The following PARG variants were observed in gnomAD, a reference collection of about 807,000 sequenced individuals.
PARG encodes the protein mitochondrial poly(ADP-ribose) glycohydrolase.
A neutral mutation model predicts 113.0 loss-of-function variants in PARG; 35 were observed. The ratio of observed to expected loss-of-function variants is 0.31; its 90% CI spans 0.24 to 0.41. PARG has a LOEUF of 0.41. Among genes scored for constraint, PARG ranks in the 10% least tolerant of loss-of-function variants. The probability of loss-of-function intolerance (pLI) is 1.00; values close to 1 mark genes in which losing one functional copy is unlikely to be tolerated. For synonymous variants in PARG, 330 were observed against 409.9 expected (o/e 0.81, Z 2.36); for missense variants, 797 against 1,169.4 (o/e 0.68, Z 4.64).
At chr10:49,889,788 T>C (rs1213528260) in intron 7 of PARG, among the ~76,000 whole-genome samples, 4 of 152,234 alleles carry the variant, frequency 2.6e-5, no homozygotes, top group Non-Finnish European at 5.9e-5. Flanking sequence ...CTTTACAATG[T>C]TGCTTATTTA....
rs188177262 is a variant in PARG at position 49,848,702 on chromosome 10, C to T, written c.2354-5070G>A. ...CACATAACATTGGTAGAGCACTTAA[C>T]ATATTGAATTGTAATCTGAAAATCA... On this transcript the variant is annotated intron_variant, in intron 13 of 17. Coordinates refer to ENST00000616448, the MANE Select transcript of PARG (RefSeq NM_003631.5). 1.9e-3 allele frequency among the ~76,000 whole-genome samples: 285 copies of T among 152,052 alleles called. 3 individuals are homozygous for T. The highest frequency in any genetic ancestry group is 6.3e-3 in the African/African-American group (261 of 41,446).
chr10:49,839,004 T>C (rs1845091233), intron 15 of PARG, among the ~76,000 whole-genome samples: 8 of 152,194 alleles, frequency 5.3e-5, no homozygotes, highest in Admixed American at 5.2e-4. Flanking sequence ...ATGTAACTTC[T>C]AAAATATTTA....
rs12247762 is a variant in PARG at position 49,836,258 on chromosome 10, T to C, written c.2542-3350A>G. 5.5e-3 allele frequency among the ~76,000 whole-genome samples: 838 copies of C among 151,658 alleles called. 3 individuals are homozygous for C. The highest frequency in any genetic ancestry group is 0.015 in the African/African-American group (620 of 41,376). The stretch of plus-strand genomic sequence containing the variant: ...CTTCTTTAACTTAATACACAGTGGA[T>C]ATTGATACTGATTTTCTGAGGTTTT... On this transcript the variant is annotated intron_variant, in intron 15 of 17. Transcript: ENST00000616448.
At chr10:49,920,341 CA>C (rs1314154993) in intron 6 of PARG, among the ~76,000 whole-genome samples, 1 of 149,892 alleles carries the variant, frequency 6.7e-6, no homozygotes, top group Non-Finnish European at 1.5e-5. Flanking sequence ...CCCTGCTACT[CA>C]GGAGGCTGAG....
chr10:49,936,617 T>C (rs1184024346), intron 1 of PARG, among the ~76,000 whole-genome samples: 6 of 152,184 alleles, frequency 3.9e-5, no homozygotes, highest in African/African-American at 1.4e-4. Context: ...TACATCATAT[T>C]TTAGTATCAG....
rs547038707 is a variant in PARG at position 49,887,507 on chromosome 10, G to T, written c.1738-2212C>A. Reference sequence around the variant, plus strand: ...CTAACACCCACTAATTTGTTTTTCAGCTGAAAAATTTTGCCATGTTACCTA... The same window carrying T: ...CTAACACCCACTAATTTGTTTTTCATCTGAAAAATTTTGCCATGTTACCTA... On this transcript the variant is annotated intron_variant, in intron 7 of 17. Coordinates refer to ENST00000616448, the MANE Select transcript of PARG (RefSeq NM_003631.5). Among the ~76,000 whole-genome samples, 32 of 152,122 alleles carry T rather than the reference G, an allele frequency of 2.1e-4. No homozygotes were observed. In the South Asian group the frequency reaches 6.6e-3, roughly 32 times the overall value.
chr10:49,941,785 C>A lies in PARG; in HGVS notation c.-60G>T, dbSNP rs1294048764. ...CCGGGCGGAGAGCCTCATTCACTAA[C>A]CCTGAGAGAGATGGACTGCGCCTCC... is the stretch of plus-strand genomic sequence containing the variant. On this transcript the variant is annotated 5_prime_UTR_variant, in exon 1 of 18. Coordinates refer to ENST00000616448, the MANE Select transcript of PARG (RefSeq NM_003631.5). 17 of 1,538,516 alleles carry A rather than the reference C, an allele frequency of 1.1e-5. No homozygotes were observed. In the Admixed American group the frequency reaches 1.6e-4, roughly 14 times the overall value.
chr10:49,867,413 C>A (rs1846571745), intron 10 of PARG: 1 of 149,594 alleles, frequency 6.7e-6, no homozygotes, highest in African/African-American at 2.5e-5. Context: ...AGTGTTTTTT[C>A]CTTCTTAGAG....
chr10:49,852,141 C>G (rs1845788205), intron 13 of PARG, among the ~76,000 whole-genome samples: 1 of 152,292 alleles, frequency 6.6e-6, no homozygotes, highest in East Asian at 1.9e-4. Context: ...CTAAGAGTCT[C>G]CTAAGGAGGG....
intron 10 of PARG, among the ~76,000 whole-genome samples, chr10:49,868,138 C>G (rs1385990367): frequency 2.0e-5 from 3 of 152,130 alleles, no homozygotes; most frequent in African/African-American, 7.2e-5. Context: ...CACTCTCCCG[C>G]CACCGCGCCT....
chr10:49,884,841 T>C (rs1847387251), intron 8 of PARG, among the ~76,000 whole-genome samples: 1 of 144,220 alleles, frequency 6.9e-6, no homozygotes, highest in Non-Finnish European at 1.5e-5. Context: ...CCAAATCCAC[T>C]AGTATGTTTT....
At position 49,848,202 on chromosome 10, in the gene PARG, A is replaced by T. The variant is rs1845599412; in HGVS notation, c.2354-4570T>A. Among the ~76,000 whole-genome samples the T allele has an allele frequency of 1.4e-5, 2 of 139,032 alleles. 1 individual carries two copies. The highest frequency in any genetic ancestry group is 3.1e-5 in the Non-Finnish European group (2 of 64,532). The allele number at this position is 139,032 out of a possible 152,430, so 91.2% of individuals were successfully genotyped here. On this transcript the variant is annotated intron_variant, in intron 13 of 17. Coordinates refer to ENST00000616448, the MANE Select transcript of PARG (RefSeq NM_003631.5). ...CATCTCTACTAAAAATACAAAAATT[A>T]TCTGGGCGTGGTGGCGTGCACCTGT...
rs143753241 is a variant in PARG, at chr10:49,850,496, T to G, written c.2353+6810A>C. Among the ~76,000 whole-genome samples the G allele has an allele frequency of 4.1e-3, 622 of 152,340 alleles. 8 individuals are homozygous for G. The highest frequency in any genetic ancestry group is 0.014 in the African/African-American group (597 of 41,576). On this transcript the variant is annotated intron_variant, in intron 13 of 17. Transcript: ENST00000616448. Reference sequence around the variant, plus strand: ...TTTAAGGGGGTAGAGAAACCACAGATGCGTGATTCTATTTACTCGAGGGTG... The same window carrying G: ...TTTAAGGGGGTAGAGAAACCACAGAGGCGTGATTCTATTTACTCGAGGGTG...
Position 49,842,017 on chromosome 10 carries a change from T to C in PARG, c.2474A>G (p.Asp825Gly). 6.4e-7 allele frequency: 1 copy of C among 1,550,522 alleles called. No individual in the cohort carries two copies. The highest frequency in any genetic ancestry group is 2.4e-5 in the East Asian group (1 of 40,916). The change falls in exon 15 of 18, where the codon GAT (aspartate) becomes GGT (glycine). Residue 825 changes from aspartate (D) to glycine (G), a missense_variant. By Grantham distance (94) the Asp-to-Gly change is moderately conservative. This residue lies in a region of PARG where 194 missense variants were observed against 247.1 expected (regional missense o/e 0.79). Transcript: ENST00000616448. Reference sequence around the variant, plus strand: ...GAGGTAGCGTCTGAAGTGAAGAGCATCGATGGCAACGATCTCAGTGCAGCG... The same window carrying C: ...GAGGTAGCGTCTGAAGTGAAGAGCACCGATGGCAACGATCTCAGTGCAGCG... The part of the protein sequence containing the change: ...QRRCTEIVAI[D>G]ALHFRRYLDQ...
intron 10 of PARG, among the ~76,000 whole-genome samples, chr10:49,867,965 A>T (rs2132572449): frequency 6.6e-6 from 1 of 152,304 alleles, no homozygotes; most frequent in East Asian, 1.9e-4. Context: ...TTCTAATTAG[A>T]CCTAGAATAG....
At chr10:49,908,854 T>C (rs1837004912) in intron 7 of PARG, among the ~76,000 whole-genome samples, 1 of 152,124 alleles carries the variant, frequency 6.6e-6, no homozygotes, top group Non-Finnish European at 1.5e-5. Context: ...AATAACGAAA[T>C]CTGTTGTGAT....
rs1396120083 is a variant in PARG at position 49,920,461 on chromosome 10, AAAATAT to A, written c.1662+1869_1662+1874del. Among the ~76,000 whole-genome samples, 17 of 48,290 alleles carry A rather than the reference AAAATAT, an allele frequency of 3.5e-4. No homozygotes were observed. In the East Asian group the frequency reaches 5.6e-3, roughly 16 times the overall value. The allele number at this position is 48,290 out of a possible 152,430, so 31.7% of individuals were successfully genotyped here. A position where few individuals can be genotyped will look rare whatever the true frequency, so the allele number is the denominator to read the frequency against. On this transcript the variant is annotated intron_variant, in intron 6 of 17. Transcript: ENST00000616448. ...GACCCAGCCTCAAATTAAAAAAAAA[AAAATAT>A]ATATATATATATATATATATATATA...
chr10:49,870,836 TTCA>T (rs1846758242), intron 9 of PARG, among the ~76,000 whole-genome samples: 1 of 86,220 alleles, frequency 1.2e-5, no homozygotes, highest in South Asian at 5.4e-4. Flanking sequence ...GTAATTATTT[TTCA>T]TGATTACAAC....
intron 13 of PARG, 90 bp from the exon 14 acceptor site, chr10:49,843,722 G>A: frequency 1.2e-6 from 1 of 851,038 alleles, no homozygotes; most frequent in Admixed American, 2.0e-5. Context: ...CTTCTGTTTA[G>A]CACTGTACTG....
Sources: gnomAD v4.1 joint callset for allele counts (sites outside exome capture counted in the v4.1 genomes callset) on GRCh38, gnomAD v4.1.1 for gene constraint, gnomAD v4.1.1 regional missense constraint, MANE v1.5 for transcripts, NCBI Gene and HGNC (gene_info 2026-07-23, HGNC 2026-07-21) for gene names.